The following TMEM50B variants were observed in gnomAD, a reference collection of about 807,000 sequenced individuals.
The protein encoded by TMEM50B is HCV p7-trans-regulated protein 3.
A neutral mutation model predicts 23.4 loss-of-function variants in TMEM50B; 14 were observed. The ratio of observed to expected loss-of-function variants is 0.60; its 90% CI spans 0.39 to 0.93. TMEM50B has a LOEUF of 0.93. Among genes scored for constraint, TMEM50B ranks in the 40% least tolerant of loss-of-function variants. The probability of loss-of-function intolerance (pLI) is 0.00; values close to 1 mark genes in which losing one functional copy is unlikely to be tolerated. For missense variants in TMEM50B, 159 were observed against 193.0 expected (o/e 0.82, Z 1.04); for synonymous variants, 64 against 62.3 (o/e 1.03, Z -0.13).
At chr21:33,447,964 G>A (rs1280038004), downstream of TMEM50B, among the ~76,000 whole-genome samples, 1 of 152,000 alleles carries the variant, frequency 6.6e-6, no homozygotes, top group East Asian at 1.9e-4. Flanking sequence ...TTCTAAGAGT[G>A]GATACTAACA....
intron 1 of TMEM50B, chr21:33,469,599 C>G (rs1482842953): frequency 3.3e-5 from 5 of 152,226 alleles, no homozygotes; most frequent in African/African-American, 1.2e-4. Context: ...TATGTAACTT[C>G]TCCATGCCAC....
At chr21:33,471,875 A>G (rs1206402876) in intron 1 of TMEM50B, among the ~76,000 whole-genome samples, 1 of 151,260 alleles carries the variant, frequency 6.6e-6, no homozygotes, top group African/African-American at 2.4e-5. Context: ...CTCTACTAAA[A>G]ATACAAAAAA....
At chr21:33,477,067 G>A (rs960156706) in intron 1 of TMEM50B, among the ~76,000 whole-genome samples, 2 of 152,128 alleles carry the variant, frequency 1.3e-5, no homozygotes, top group African/African-American at 4.8e-5. Flanking sequence ...TTGAGAGGCT[G>A]AGGCAGGTGG....
intron 5 of TMEM50B, among the ~76,000 whole-genome samples, chr21:33,457,594 T>C (rs1402226567): frequency 1.4e-5 from 2 of 147,710 alleles, no homozygotes; most frequent in Non-Finnish European, 3.0e-5. Context: ...GAGGTTGCAG[T>C]GAGCCGAGAC....
At chr21:33,458,206 TA>T (rs929751218) in intron 5 of TMEM50B, among the ~76,000 whole-genome samples, 16 of 152,166 alleles carry the variant, frequency 1.1e-4, no homozygotes, top group African/African-American at 3.9e-4. Context: ...CAGTCAGGGA[TA>T]AAATGAGTTT....
At position 33,436,897 on chromosome 21, in the gene TMEM50B, T is replaced by C. The variant is rs755201347; in HGVS notation, c.*2120+2317A>G. The C allele has an allele frequency of 2.7e-5, 44 of 1,613,898 alleles. No homozygotes were observed. The highest frequency in any genetic ancestry group is 3.2e-5 in the Non-Finnish European group (38 of 1,179,880). On this transcript the variant is annotated intron_variant and NMD_transcript_variant, in intron 8 of 8. Transcript: ENST00000420455. ...GGACAGCTCACCAAAGGATGACGTC[T>C]GGGACTCTGTGTCCATTATCTCGTT...
intron 4 of TMEM50B, among the ~76,000 whole-genome samples, chr21:33,461,823 A>G (rs536063817): frequency 6.6e-6 from 1 of 152,140 alleles, no homozygotes; most frequent in Admixed American, 6.6e-5. Context: ...AAATCCTTAC[A>G]ATTATTTTCC....
At chr21:33,459,263 C>T (rs1459750145) in intron 5 of TMEM50B, among the ~76,000 whole-genome samples, 1 of 152,212 alleles carries the variant, frequency 6.6e-6, no homozygotes, top group East Asian at 1.9e-4. Flanking sequence ...CAGATTTCAG[C>T]ATGGTGTAAT....
chr21:33,460,396 G>C lies in TMEM50B; in HGVS notation c.373+17C>G, dbSNP rs763776688. The stretch of plus-strand genomic sequence containing the variant: ...TCTGAATCTCTCCTATAAAATACAA[G>C]AAGAATATATACTTACTTTGGGTAA... On this transcript the variant is annotated intron_variant, in intron 5 of 6. Coordinates refer to ENST00000542230, the MANE Select transcript of TMEM50B (RefSeq NM_006134.7). 8.0e-6 allele frequency: 12 copies of C among 1,492,942 alleles called. No homozygotes were observed. The African/African-American group carries it at 1.7e-4, about 21-fold the overall frequency. The allele number at this position is 1,492,942 out of a possible 1,614,324, so 92.5% of individuals were successfully genotyped here.
At chr21:33,473,470 A>C (rs1013495520) in intron 1 of TMEM50B, among the ~76,000 whole-genome samples, 136 of 151,656 alleles carry the variant, frequency 9.0e-4, no homozygotes, top group Middle Eastern at 6.8e-3. Flanking sequence ...AAAAAAAAAA[A>C]AAAAAAAACT....
intron 7 of TMEM50B, among the ~76,000 whole-genome samples, chr21:33,443,855 T>G (rs1436093352): frequency 9.6e-6 from 1 of 104,060 alleles, no homozygotes; most frequent in East Asian, 2.0e-4. Flanking sequence ...AATGTTAACT[T>G]CTGGGAATCT....
At chr21:33,465,464 A>C in intron 3 of TMEM50B, 55 bp from the exon 4 acceptor site, 1 of 1,322,768 alleles carries the variant, frequency 7.6e-7, no homozygotes, top group East Asian at 2.3e-5. Flanking sequence ...TAAAATACTC[A>C]AATATTTATA....
intron 1 of TMEM50B, among the ~76,000 whole-genome samples, 200 bp downstream of exon 1, chr21:33,479,638 G>A (rs554388922): frequency 4.6e-5 from 7 of 152,296 alleles, no homozygotes; most frequent in Non-Finnish European, 1.0e-4. Flanking sequence ...CGCGGGCAGG[G>A]GCAAGAAGGG....
At chr21:33,448,941 A>C (rs2084092023), downstream of TMEM50B, 1 of 152,086 alleles carries the variant, frequency 6.6e-6, no homozygotes, top group African/African-American at 2.4e-5. Flanking sequence ...GCAGAGTCAG[A>C]AATAGAAAAA....
chr21:33,457,875 C>T (rs2084184100), intron 5 of TMEM50B, among the ~76,000 whole-genome samples: 1 of 152,080 alleles, frequency 6.6e-6, no homozygotes, highest in Admixed American at 6.6e-5. Flanking sequence ...CGGAACCTAA[C>T]TTACGTAAAC....
At chr21:33,455,822 AG>A (rs1568978286) in intron 5 of TMEM50B, 38 bp from the exon 6 acceptor site, 1 of 1,461,500 alleles carries the variant, frequency 6.8e-7, no homozygotes, top group South Asian at 1.1e-5. Context: ...ACGGTTATAT[AG>A]GCAAACGGCA....
intron 3 of TMEM50B, among the ~76,000 whole-genome samples, chr21:33,466,273 A>G (rs113190574): frequency 1.3e-5 from 2 of 152,176 alleles, no homozygotes; most frequent in East Asian, 1.9e-4. Context: ...AAACAAAAAA[A>G]CCTCCTGATG....
Position 33,450,292 on chromosome 21 carries a change from G to A in TMEM50B, c.*526C>T, listed in dbSNP as rs1432030156. On this transcript the variant is annotated 3_prime_UTR_variant, in exon 7 of 7. Transcript: ENST00000542230. ...AGCTCACTACAACCTCTGCCCCCCG[G>A]GTTCAAGCGATTCTCCTGCCTCAGC... The A allele has an allele frequency of 2.6e-5, 4 of 152,182 alleles. No homozygotes were observed. Among genetic ancestry groups the A allele is most frequent in the Non-Finnish European group, 5.9e-5 (4 of 68,060 alleles). 9.4% of individuals were successfully genotyped at this position (152,182 alleles called of 1,614,324 possible).
intron 7 of TMEM50B, among the ~76,000 whole-genome samples, chr21:33,443,375 C>T (rs2084024092): frequency 7.4e-6 from 1 of 134,798 alleles, no homozygotes; most frequent in South Asian, 2.3e-4. Flanking sequence ...AATAGTGGAG[C>T]ACCAGTAGTC....
Sources: allele counts gnomAD v4.1 joint callset (sites outside exome capture counted in the v4.1 genomes callset), GRCh38; gene constraint gnomAD v4.1.1; transcripts MANE v1.5; gene names NCBI Gene and HGNC (gene_info 2026-07-23, HGNC 2026-07-21).